Variants in RFC3 observed in about 807,000 individuals in gnomAD.
RFC3 encodes A1 38 kDa subunit.
Under a neutral mutation model 45.1 loss-of-function variants are expected in RFC3, and 41 were observed. That is an observed-to-expected ratio of 0.91 (90% CI 0.71 to 1.18). The LOEUF is 1.18. Ranked by LOEUF, RFC3 falls within the 50% of genes most tolerant of loss-of-function variation. The pLI is 0.00. For synonymous variants in RFC3, 149 were observed against 144.0 expected, an observed-to-expected ratio of 1.03 and a Z score of -0.25; for missense variants, 423 against 428.1, an observed-to-expected ratio of 0.99 and a Z score of 0.10.
intron 8 of RFC3, among the ~76,000 whole-genome samples, chr13:33,947,164 C>T (rs2082959441): frequency 6.6e-6 from 1 of 152,080 alleles, no homozygotes. Context: ...TGTAATAATC[C>T]CCAAATGTCA....
rs915165603 is a variant in RFC3 at position 33,834,752 on chromosome 13, G to A, written c.810-396G>A. Among the ~76,000 whole-genome samples the A allele has an allele frequency of 2.6e-5, 4 of 152,068 alleles. No individual in the cohort carries two copies. In the East Asian group the frequency reaches 7.7e-4, roughly 29 times the overall value. On this transcript the variant is annotated intron_variant, in intron 7 of 8. Transcript: ENST00000380071. ...AAAAGAAAAACATATTACTTGACAT[G>A]TCATTAAAGTTTGTTAAATTCCATG...
intron 8 of RFC3, among the ~76,000 whole-genome samples, chr13:33,845,200 A>G (rs1286793450): frequency 1.3e-5 from 2 of 152,150 alleles, no homozygotes; most frequent in African/African-American, 2.4e-5. Context: ...TGCTGCTTTT[A>G]GGATCCTTTA....
chr13:33,955,370 C>G (rs757474392), intron 8 of RFC3, among the ~76,000 whole-genome samples: 6 of 151,976 alleles, frequency 3.9e-5, no homozygotes, highest in African/African-American at 7.3e-5. Context: ...GCTACTAGTA[C>G]AAGCTACAAG....
At chr13:33,853,017 A>G (rs1182660096) in intron 8 of RFC3, among the ~76,000 whole-genome samples, 2 of 152,270 alleles carry the variant, frequency 1.3e-5, no homozygotes, top group African/African-American at 4.8e-5. Context: ...GCCACTTTTA[A>G]ACTGCAAGGC....
intron 7 of RFC3, 84 bp from the exon 8 acceptor site, chr13:33,835,064 C>A: frequency 1.3e-6 from 1 of 780,226 alleles, no homozygotes; most frequent in Non-Finnish European, 2.1e-6. Flanking sequence ...TTTGTTAATT[C>A]ATAAAGTAAA....
chr13:33,926,849 T>C (rs985063194), intron 8 of RFC3, among the ~76,000 whole-genome samples: 8 of 150,886 alleles, frequency 5.3e-5, no homozygotes, highest in African/African-American at 1.7e-4. Context: ...GCTTTGATTA[T>C]ATTCATTTCA....
chr13:33,958,575 T>G (rs1026331636), intron 8 of RFC3, among the ~76,000 whole-genome samples: 2 of 152,208 alleles, frequency 1.3e-5, no homozygotes, highest in Non-Finnish European at 2.9e-5. Context: ...TGCAACAGCA[T>G]AGAGACGGAA....
chr13:33,864,392 C>T (rs922785338), intron 8 of RFC3, among the ~76,000 whole-genome samples: 3 of 152,100 alleles, frequency 2.0e-5, no homozygotes, highest in African/African-American at 7.2e-5. Flanking sequence ...CTCAAGAACA[C>T]GACTGGCATC....
intron 8 of RFC3, chr13:33,848,778 A>G (rs944608375): frequency 1.3e-5 from 2 of 152,170 alleles, no homozygotes; most frequent in Non-Finnish European, 2.9e-5. Context: ...GTGTCATTCA[A>G]AACAGCTATT....
intron 8 of RFC3, among the ~76,000 whole-genome samples, chr13:33,869,140 C>T (rs2082391735): frequency 6.6e-6 from 1 of 152,216 alleles, no homozygotes; most frequent in Non-Finnish European, 1.5e-5. Context: ...GTGCCTGGTT[C>T]CCTGCTGTTC....
chr13:33,948,711 C>T (rs763272386), intron 8 of RFC3, among the ~76,000 whole-genome samples: 8 of 152,294 alleles, frequency 5.3e-5, no homozygotes, highest in East Asian at 3.9e-4. Context: ...ATGACCTGGA[C>T]GTGAGACATG....
intron 8 of RFC3, among the ~76,000 whole-genome samples, chr13:33,950,195 G>A (rs2082980903): frequency 6.6e-6 from 1 of 152,016 alleles, no homozygotes; most frequent in Non-Finnish European, 1.5e-5. Flanking sequence ...TGTACTTTGA[G>A]TTTAGATTTG....
At chr13:33,917,588 G>A (rs2082741261) in intron 8 of RFC3, among the ~76,000 whole-genome samples, 1 of 152,016 alleles carries the variant, frequency 6.6e-6, no homozygotes, top group Non-Finnish European at 1.5e-5. Context: ...TCCACATGCT[G>A]GGCAAAGCAC....
intron 8 of RFC3, among the ~76,000 whole-genome samples, chr13:33,961,200 C>G (rs980269070): frequency 2.6e-5 from 4 of 152,116 alleles, no homozygotes; most frequent in Admixed American, 2.0e-4. Flanking sequence ...CTCAAAGACC[C>G]CTGCTTGCTC....
intron 8 of RFC3, among the ~76,000 whole-genome samples, chr13:33,912,149 A>G (rs1489040416): frequency 6.6e-6 from 1 of 152,088 alleles, no homozygotes; most frequent in East Asian, 1.9e-4. Context: ...ATTTGTAATC[A>G]AGAAAAAAAA....
chr13:33,851,986 G>A (rs977528819), intron 8 of RFC3, among the ~76,000 whole-genome samples: 2 of 152,136 alleles, frequency 1.3e-5, no homozygotes, highest in Non-Finnish European at 2.9e-5. Flanking sequence ...TTGATATTGT[G>A]AAACATTGAT....
intron 8 of RFC3, among the ~76,000 whole-genome samples, chr13:33,860,423 C>T (rs2082333693): frequency 6.6e-6 from 1 of 152,126 alleles, no homozygotes; most frequent in Non-Finnish European, 1.5e-5. Flanking sequence ...CCTTTGAGTG[C>T]TCCAGATGTT....
rs561103475 is a variant in RFC3 at position 33,895,504 on chromosome 13, A to T, written c.879+60287A>T. ...CAAAAAACAATAGATGTTGGCATGGATGTGGTAAAAAGGGAACGCTTATAC... is the reference window on the plus strand; with the variant it reads ...CAAAAAACAATAGATGTTGGCATGGTTGTGGTAAAAAGGGAACGCTTATAC... On this transcript the variant is annotated intron_variant, in intron 8 of 8. Coordinates refer to the RFC3 transcript ENST00000434425. 1.2e-4 allele frequency among the ~76,000 whole-genome samples: 19 copies of T among 152,298 alleles called. No homozygotes were observed. In the South Asian group the frequency reaches 3.9e-3, roughly 32 times the overall value.
At chr13:33,871,239 A>G (rs1006033667) in intron 8 of RFC3, among the ~76,000 whole-genome samples, 1 of 152,194 alleles carries the variant, frequency 6.6e-6, no homozygotes, top group Admixed American at 6.5e-5. Context: ...GTGGCTCAAA[A>G]CAACCCACAT....
Sources: allele counts gnomAD v4.1 joint callset (sites outside exome capture counted in the v4.1 genomes callset), GRCh38; gene constraint gnomAD v4.1.1; transcripts MANE v1.5; gene names NCBI Gene and HGNC (gene_info 2026-07-23, HGNC 2026-07-21).